MIPOL1: variants seen among roughly 807,000 people sequenced by gnomAD.
MIPOL1 encodes the protein mirror-image polydactyly gene 1 protein.
A neutral mutation model predicts 60.9 loss-of-function variants in MIPOL1; 57 were observed. The ratio of observed to expected loss-of-function variants is 0.94; its 90% confidence interval spans 0.76 to 1.17. The LOEUF (loss-of-function observed/expected upper bound fraction) is 1.17. Among genes scored for constraint, MIPOL1 ranks in the 50% most tolerant of loss-of-function variants. The pLI is 0.00. For missense variants in MIPOL1, 551 were observed against 511.6 expected, an observed-to-expected ratio of 1.08 and a Z score of -0.74; for synonymous variants, 179 against 168.8, an observed-to-expected ratio of 1.06 and a Z score of -0.47.
At chr14:37,286,221 G>T (rs1294640668) in intron 7 of MIPOL1, among the ~76,000 whole-genome samples, 1 of 152,154 alleles carries the variant, frequency 6.6e-6, no homozygotes, top group Admixed American at 6.5e-5. Flanking sequence ...TGGAGCCTAA[G>T]AATCTACATT....
chr14:37,256,394 C>A (rs1235567102), intron 3 of MIPOL1, among the ~76,000 whole-genome samples: 1 of 151,822 alleles, frequency 6.6e-6, no homozygotes, highest in Non-Finnish European at 1.5e-5. Context: ...TATGGATATT[C>A]TGTGTCCTTT....
chr14:37,223,572 G>A (rs1392627750), intron 1 of MIPOL1, among the ~76,000 whole-genome samples: 3 of 150,994 alleles, frequency 2.0e-5, no homozygotes, highest in South Asian at 4.2e-4. Context: ...GCGCGATCTC[G>A]GCTCACTGCA....
intron 1 of MIPOL1, among the ~76,000 whole-genome samples, chr14:37,201,305 A>G (rs1965302840): frequency 6.6e-6 from 1 of 152,104 alleles, no homozygotes; most frequent in Non-Finnish European, 1.5e-5. Flanking sequence ...GACTAATTAG[A>G]GGCCAGTTTG....
chr14:37,218,111 G>A (rs1567027782), intron 1 of MIPOL1, among the ~76,000 whole-genome samples: 1 of 151,780 alleles, frequency 6.6e-6, no homozygotes. Context: ...CTGATTTCTA[G>A]TTTCTTTCTT....
At chr14:37,296,256 C>A (rs533019098) in intron 7 of MIPOL1, among the ~76,000 whole-genome samples, 35 of 152,148 alleles carry the variant, frequency 2.3e-4, no homozygotes, top group African/African-American at 6.5e-4. Context: ...TTGAAACCAA[C>A]GAGAACAAAG....
At chr14:37,440,948 C>T (rs2094234691) in intron 11 of MIPOL1, among the ~76,000 whole-genome samples, 1 of 152,078 alleles carries the variant, frequency 6.6e-6, no homozygotes. Context: ...TAATAATGGC[C>T]ATTCTGAGTG....
chr14:37,334,017 G>T (rs2089931011), intron 9 of MIPOL1, among the ~76,000 whole-genome samples: 1 of 151,932 alleles, frequency 6.6e-6, no homozygotes, highest in Non-Finnish European at 1.5e-5. Flanking sequence ...AGCTGAATGA[G>T]AAATTAACTA....
chr14:37,494,752 T>G (rs1366480605), intron 11 of MIPOL1, among the ~76,000 whole-genome samples: 1 of 152,212 alleles, frequency 6.6e-6, no homozygotes, highest in East Asian at 1.9e-4. Flanking sequence ...ACATATAGCA[T>G]TTATTATTTT....
At chr14:37,462,358 A>G (rs2094549798) in intron 11 of MIPOL1, among the ~76,000 whole-genome samples, 1 of 152,162 alleles carries the variant, frequency 6.6e-6, no homozygotes, top group South Asian at 2.1e-4. Flanking sequence ...GCTGGCCCAC[A>G]AAACCACTTT....
chr14:37,256,818 T>C (rs1434337818), intron 3 of MIPOL1, among the ~76,000 whole-genome samples: 1 of 151,946 alleles, frequency 6.6e-6, no homozygotes, highest in African/African-American at 2.4e-5. Context: ...ATTGACCCTT[T>C]ATTATTTTTT....
chr14:37,429,832 G>GT (rs1445456841), intron 11 of MIPOL1, among the ~76,000 whole-genome samples: 4 of 152,048 alleles, frequency 2.6e-5, no homozygotes, highest in Non-Finnish European at 4.4e-5. Context: ...AATCCATGGG[G>GT]TTTTTTTGTT....
intron 11 of MIPOL1, among the ~76,000 whole-genome samples, chr14:37,442,826 A>G (rs1356064203): frequency 6.6e-6 from 1 of 152,088 alleles, no homozygotes; most frequent in Admixed American, 6.6e-5. Context: ...ATTGTTAAAG[A>G]AATTAAAGAA....
At chr14:37,546,622 C>T (rs764911161) in intron 12 of MIPOL1, among the ~76,000 whole-genome samples, 1 of 152,144 alleles carries the variant, frequency 6.6e-6, no homozygotes, top group Non-Finnish European at 1.5e-5. Context: ...AACCTTAATG[C>T]AAGTAGCTAA....
At chr14:37,374,225 G>A (rs1242930809) in intron 10 of MIPOL1, among the ~76,000 whole-genome samples, 1 of 152,042 alleles carries the variant, frequency 6.6e-6, no homozygotes, top group Non-Finnish European at 1.5e-5. Context: ...CTTTTTGATG[G>A]GGTTGTTTGT....
chr14:37,449,180 A>G (rs1330040751), intron 11 of MIPOL1, among the ~76,000 whole-genome samples: 1 of 152,196 alleles, frequency 6.6e-6, no homozygotes, highest in African/African-American at 2.4e-5. Flanking sequence ...ATTTCTAAGA[A>G]TCAATAGCTT....
intron 1 of MIPOL1, among the ~76,000 whole-genome samples, chr14:37,229,297 G>T (rs965908973): frequency 3.9e-5 from 6 of 151,966 alleles, no homozygotes; most frequent in African/African-American, 1.5e-4. Flanking sequence ...GACTACATGC[G>T]TGTGCTACCA....
intron 11 of MIPOL1, among the ~76,000 whole-genome samples, chr14:37,430,515 A>ATTTCT (rs765408771): frequency 6.7e-6 from 1 of 149,320 alleles, no homozygotes. Context: ...TTTTTTTTAA[A>ATTTCT]AAAAAGTATA....
intron 11 of MIPOL1, among the ~76,000 whole-genome samples, chr14:37,493,999 T>C (rs972501602): frequency 2.0e-5 from 3 of 152,196 alleles, no homozygotes; most frequent in African/African-American, 4.8e-5. Context: ...TAATATGTCT[T>C]TGTGAAGAAA....
At chr14:37,420,915 C>CAT (rs2093861491) in intron 10 of MIPOL1, among the ~76,000 whole-genome samples, 1 of 151,940 alleles carries the variant, frequency 6.6e-6, no homozygotes, top group Non-Finnish European at 1.5e-5. Flanking sequence ...GCTGGATAAG[C>CAT]ATATATCTGA....
Sources: allele counts gnomAD v4.1 joint callset (sites outside exome capture counted in the v4.1 genomes callset), GRCh38; gene constraint gnomAD v4.1.1; transcripts MANE v1.5; gene names NCBI Gene and HGNC (gene_info 2026-07-23, HGNC 2026-07-21).